DPP4: variants seen among roughly 807,000 people sequenced by gnomAD.
The protein encoded by DPP4 is ADCP-2.
Under a neutral mutation model 122.4 loss-of-function variants are expected in DPP4, and 93 were observed. That is an observed-to-expected ratio of 0.76 (90% CI 0.64 to 0.90). The LOEUF is 0.90. Ranked by LOEUF, DPP4 falls within the 40% of genes least tolerant of loss-of-function variation. The pLI is 0.00. For synonymous variants in DPP4, 321 were observed against 302.9 expected, an observed-to-expected ratio of 1.06 and a Z score of -0.62; for missense variants, 914 against 907.3, an observed-to-expected ratio of 1.01 and a Z score of -0.09.
At chr2:162,027,990 AACAT>A (rs1276680689) in intron 10 of DPP4, among the ~76,000 whole-genome samples, 1 of 151,960 alleles carries the variant, frequency 6.6e-6, no homozygotes, top group African/African-American at 2.4e-5. Flanking sequence ...TTTTCTTATA[AACAT>A]ACTTCCCTTC....
At chr2:162,012,784 C>T (rs1267335337) in intron 19 of DPP4, among the ~76,000 whole-genome samples, 1 of 152,014 alleles carries the variant, frequency 6.6e-6, no homozygotes, top group Non-Finnish European at 1.5e-5. Context: ...TACACAACTC[C>T]TGGACATGGA....
At chr2:162,033,428 G>A (rs1229877966) in intron 10 of DPP4, 113 bp downstream of exon 10, 1 of 674,458 alleles carries the variant, frequency 1.5e-6, no homozygotes, top group South Asian at 2.0e-5. Context: ...ATGACTGTCA[G>A]CGGGGATGAC....
intron 16 of DPP4, among the ~76,000 whole-genome samples, chr2:162,018,260 C>T (rs1466439645): frequency 1.3e-5 from 2 of 152,170 alleles, no homozygotes; most frequent in Non-Finnish European, 2.9e-5. Context: ...GTTTTGAATC[C>T]TGTTGTGCCT....
intron 12 of DPP4, among the ~76,000 whole-genome samples, 186 bp from the exon 13 acceptor site, chr2:162,020,874 C>T (rs1451117906): frequency 6.6e-6 from 1 of 152,148 alleles, no homozygotes; most frequent in Non-Finnish European, 1.5e-5. Context: ...AAACACCATA[C>T]TCATAGGTAA....
chr2:162,050,921 C>T (rs1231983094), intron 2 of DPP4, among the ~76,000 whole-genome samples: 2 of 152,202 alleles, frequency 1.3e-5, no homozygotes, highest in African/African-American at 4.8e-5. Flanking sequence ...AGGTCTTTGG[C>T]TGCTTGCATG....
At chr2:162,002,983 T>C (rs1365431978) in intron 23 of DPP4, among the ~76,000 whole-genome samples, 1 of 152,228 alleles carries the variant, frequency 6.6e-6, no homozygotes, top group Non-Finnish European at 1.5e-5. Flanking sequence ...CTCACTTGTA[T>C]CCTGCCCACC....
At chr2:162,010,512 A>G (rs1207278937) in intron 20 of DPP4, among the ~76,000 whole-genome samples, 1 of 152,176 alleles carries the variant, frequency 6.6e-6, no homozygotes, top group African/African-American at 2.4e-5. Context: ...AGTGTGTGCC[A>G]CTGTATAAAC....
chr2:162,046,463 T>A (rs532915478), intron 4 of DPP4, among the ~76,000 whole-genome samples: 40 of 152,120 alleles, frequency 2.6e-4, no homozygotes, highest in Admixed American at 5.9e-4. Context: ...GCTAGGACAG[T>A]GGGGGAAAGA....
At chr2:162,008,465 G>A (rs774361883) in intron 22 of DPP4, 97 bp downstream of exon 22, 21 of 973,324 alleles carry the variant, frequency 2.2e-5, no homozygotes, top group Middle Eastern at 4.2e-4. Context: ...CCTATTATTC[G>A]CTGTAAAAAC....
chr2:162,067,250 G>C (rs1167595751), intron 2 of DPP4, among the ~76,000 whole-genome samples: 1 of 152,160 alleles, frequency 6.6e-6, no homozygotes, highest in Non-Finnish European at 1.5e-5. Context: ...TAGAACAACT[G>C]AGGAAAACAA....
At chr2:162,009,623 C>T (rs543380377) in intron 20 of DPP4, among the ~76,000 whole-genome samples, 3 of 151,654 alleles carry the variant, frequency 2.0e-5, no homozygotes, top group South Asian at 4.2e-4. Context: ...CCCAGATGCA[C>T]TTTTCTTTAC....
At chr2:162,042,804 A>G (rs775316115) in intron 5 of DPP4, among the ~76,000 whole-genome samples, 9 of 152,326 alleles carry the variant, frequency 5.9e-5, no homozygotes, top group East Asian at 5.8e-4. Context: ...CTGGCACCAA[A>G]TAAGGCAGGC....
chr2:162,063,161 A>G (rs554595685), intron 2 of DPP4, among the ~76,000 whole-genome samples: 12 of 152,156 alleles, frequency 7.9e-5, no homozygotes, highest in Non-Finnish European at 1.8e-4. Flanking sequence ...AGAGGAGTTG[A>G]GGAGAACTTG....
intron 25 of DPP4, among the ~76,000 whole-genome samples, chr2:161,994,471 T>G (rs1700942699): frequency 1.3e-5 from 2 of 152,238 alleles, no homozygotes; most frequent in Non-Finnish European, 2.9e-5. Flanking sequence ...TCCTAATTGT[T>G]TATCGCCTGT....
rs535023682 is a variant in DPP4 at position 162,027,961 on chromosome 2, G to A, written c.888-3022C>T. ...CTCAGCAAGGCAGTTCACCCGTGGCGCAGACAGGAATTTTTGAATTTTCTT... is the reference window on the plus strand; with the variant it reads ...CTCAGCAAGGCAGTTCACCCGTGGCACAGACAGGAATTTTTGAATTTTCTT... On this transcript the variant is annotated intron_variant, in intron 10 of 25. Coordinates refer to ENST00000360534, the MANE Select transcript of DPP4 (RefSeq NM_001935.4). Among the ~76,000 whole-genome samples, 7 of 151,876 alleles carry A rather than the reference G, an allele frequency of 4.6e-5. No individual in the cohort carries two copies. In the South Asian group the frequency reaches 6.2e-4, roughly 14 times the overall value.
At chr2:162,050,555 C>T (rs750224679) in intron 2 of DPP4, among the ~76,000 whole-genome samples, 10 of 152,202 alleles carry the variant, frequency 6.6e-5, no homozygotes, top group Non-Finnish European at 1.3e-4. Context: ...CAGGCTTACC[C>T]TGGTCTGTGT....
intron 11 of DPP4, among the ~76,000 whole-genome samples, chr2:162,023,472 A>T (rs1683210971): frequency 6.6e-6 from 1 of 151,730 alleles, no homozygotes; most frequent in Non-Finnish European, 1.5e-5. Context: ...GCTCCCCACT[A>T]CACCTCTCCC....
Position 162,022,807 on chromosome 2 carries a change from G to A in DPP4, c.1024-8C>T, listed in dbSNP as rs767566490. The A allele has an allele frequency of 5.0e-6, 8 of 1,613,748 alleles. No individual in the cohort carries two copies. The highest frequency in any genetic ancestry group is 5.1e-6 in the Non-Finnish European group (6 of 1,179,968). On this transcript the variant is annotated splice_region_variant and splice_polypyrimidine_tract_variant and intron_variant, in intron 11 of 25. Coordinates refer to ENST00000360534, the MANE Select transcript of DPP4 (RefSeq NM_001935.4). ...TTCAATGTGTTGCCGTGCCTAGGAA[G>A]GGAAAGAGACAATGACAGCATTTCA...
At chr2:162,072,494 C>T (rs1205292185) in intron 2 of DPP4, among the ~76,000 whole-genome samples, 1 of 152,204 alleles carries the variant, frequency 6.6e-6, no homozygotes, top group Non-Finnish European at 1.5e-5. Context: ...AACTGTCATC[C>T]TAAAATCTAG....
Sources: allele counts gnomAD v4.1 joint callset (sites outside exome capture counted in the v4.1 genomes callset), GRCh38; gene constraint gnomAD v4.1.1; transcripts MANE v1.5; gene names NCBI Gene and HGNC (gene_info 2026-07-23, HGNC 2026-07-21).